GLI2: variants seen among roughly 807,000 people sequenced by gnomAD.
The protein encoded by GLI2 is transcription activator GLI2.
GLI2 carries 22 observed loss-of-function variants against 78.9 expected under a neutral mutation model. That is an observed-to-expected ratio of 0.28 (90% CI 0.20 to 0.40). The LOEUF (loss-of-function observed/expected upper bound fraction) is 0.40. GLI2 is among the 10% of genes least tolerant of loss of function. The pLI, the probability that GLI2 is intolerant of heterozygous loss-of-function variation, is 1.00. For missense variants in GLI2, 2,097 were observed against 2,213.2 expected (o/e 0.95, Z 1.05); for synonymous variants, 974 against 963.7 (o/e 1.01, Z -0.20).
intron 3 of GLI2, among the ~76,000 whole-genome samples, chr2:120,942,747 C>T (rs991165737): frequency 4.6e-5 from 7 of 152,212 alleles, no homozygotes; most frequent in Non-Finnish European, 8.8e-5. Context: ...GGACCCATGT[C>T]TTCTGCAGTA....
intron 2 of GLI2, among the ~76,000 whole-genome samples, chr2:120,922,511 C>A (rs1048036935): frequency 1.3e-5 from 2 of 152,186 alleles, no homozygotes; most frequent in African/African-American, 4.8e-5. Flanking sequence ...CCCAATGGAT[C>A]ATTGCTCTTA....
chr2:120,839,127 C>T (rs1461222818), intron 2 of GLI2, among the ~76,000 whole-genome samples: 1 of 152,188 alleles, frequency 6.6e-6, no homozygotes, highest in Non-Finnish European at 1.5e-5. Context: ...ATAACATGTC[C>T]TAAGGAATGC....
At chr2:120,888,045 C>T (rs1160687161) in intron 2 of GLI2, among the ~76,000 whole-genome samples, 1 of 152,196 alleles carries the variant, frequency 6.6e-6, no homozygotes, top group East Asian at 1.9e-4. Context: ...TCAAGTTTGC[C>T]AAAGTGATTT....
chr2:120,742,874 TTTAC>T (rs1218711134), intron 1 of GLI2, among the ~76,000 whole-genome samples: 13 of 152,198 alleles, frequency 8.5e-5, no homozygotes, highest in Non-Finnish European at 1.6e-4. Context: ...GGTGAAATGA[TTTAC>T]TTAATAATTT....
rs141318725 is a variant in GLI2 at position 120,882,594 on chromosome 2, G to A, written c.149-44767G>A. Among the ~76,000 whole-genome samples, 440 of 152,354 alleles carry A rather than the reference G, an allele frequency of 2.9e-3. 1 individual carries two copies. Among genetic ancestry groups the A allele is most frequent in the Admixed American group, 8.9e-3 (136 of 15,308 alleles). The stretch of plus-strand genomic sequence containing the variant: ...GCAGCAGGCCTGCTGGGCTGTCTTT[G>A]AGCGCGGGTGTCTGGGCCCACCCTC... On this transcript the variant is annotated intron_variant, in intron 2 of 13. Transcript: ENST00000361492.
chr2:120,910,191 A>G (rs1467603501), intron 2 of GLI2, among the ~76,000 whole-genome samples: 1 of 151,520 alleles, frequency 6.6e-6, no homozygotes, highest in African/African-American at 2.4e-5. Context: ...TGTCCATCCC[A>G]CAACTTATAA....
intron 1 of GLI2, among the ~76,000 whole-genome samples, chr2:120,773,519 G>T (rs1358807773): frequency 6.6e-6 from 1 of 152,176 alleles, no homozygotes; most frequent in African/African-American, 2.4e-5. Flanking sequence ...TGCCATGCCG[G>T]CCCCTGATGC....
At chr2:120,773,709 T>A (rs76891299) in intron 1 of GLI2, among the ~76,000 whole-genome samples, 8,739 of 152,206 alleles carry the variant, frequency 0.057, 388 homozygotes, top group Admixed American at 0.12. Context: ...ATGTGCATAG[T>A]CGCAGGTGGC....
intron 3 of GLI2, among the ~76,000 whole-genome samples, chr2:120,933,721 C>T (rs867885072): frequency 6.6e-6 from 1 of 152,140 alleles, no homozygotes; most frequent in Non-Finnish European, 1.5e-5. Flanking sequence ...AGCATGAGTC[C>T]GGCCTGCCCT....
chr2:120,916,547 G>T (rs1356945885), intron 2 of GLI2, among the ~76,000 whole-genome samples: 1 of 152,236 alleles, frequency 6.6e-6, no homozygotes, highest in Non-Finnish European at 1.5e-5. Flanking sequence ...GCTGAATCCC[G>T]CAGGGTCAGG....
At chr2:120,882,393 C>A (rs966314289) in intron 2 of GLI2, among the ~76,000 whole-genome samples, 3 of 152,202 alleles carry the variant, frequency 2.0e-5, no homozygotes, top group African/African-American at 7.2e-5. Flanking sequence ...CTGCCGGCTG[C>A]GGGATGTGAT....
At chr2:120,798,767 G>A (rs959609055) in intron 2 of GLI2, among the ~76,000 whole-genome samples, 4 of 152,134 alleles carry the variant, frequency 2.6e-5, no homozygotes, top group African/African-American at 9.7e-5. Flanking sequence ...GCACAGGGAG[G>A]GAAGAGCTGG....
intron 2 of GLI2, among the ~76,000 whole-genome samples, chr2:120,798,271 G>T (rs367611742): frequency 6.6e-6 from 1 of 152,240 alleles, no homozygotes; most frequent in African/African-American, 2.4e-5. Flanking sequence ...CTTGGGCAGC[G>T]CCCCTCACAC....
intron 1 of GLI2, among the ~76,000 whole-genome samples, chr2:120,748,659 A>C (rs774111308): frequency 1.3e-5 from 2 of 152,124 alleles, no homozygotes; most frequent in Non-Finnish European, 2.9e-5. Context: ...CCGAGGCTGG[A>C]ACATTTGGGA....
At chr2:120,754,765 TTTCTC>T (rs373343648) in intron 1 of GLI2, among the ~76,000 whole-genome samples, 14 of 152,226 alleles carry the variant, frequency 9.2e-5, no homozygotes, top group Admixed American at 3.9e-4. Context: ...GTGCTTTCCT[TTTCTC>T]TTGGGTAAAC....
intron 2 of GLI2, among the ~76,000 whole-genome samples, chr2:120,926,326 C>T (rs1174676633): frequency 6.6e-6 from 1 of 152,038 alleles, no homozygotes; most frequent in Non-Finnish European, 1.5e-5. Flanking sequence ...GTCAGGAGTT[C>T]GAGAGCAACC....
chr2:120,861,481 A>G (rs1266853900), intron 2 of GLI2, among the ~76,000 whole-genome samples: 3 of 152,164 alleles, frequency 2.0e-5, no homozygotes, highest in Non-Finnish European at 2.9e-5. Flanking sequence ...CGCCCACGCT[A>G]TAGTCATCCA....
chr2:120,823,704 G>A lies in GLI2; in HGVS notation c.148+26236G>A, dbSNP rs373320985. 5.3e-5 allele frequency among the ~76,000 whole-genome samples: 8 copies of A among 152,342 alleles called. 1 individual carries two copies. In the South Asian group the frequency reaches 1.0e-3, roughly 20 times the overall value. ...AGATCTCCCGGCTGTGGGCTGTGGA[G>A]AGGAGAGCTGGGCCTCAGGGTGGAG... is the stretch of plus-strand genomic sequence containing the variant. On this transcript the variant is annotated intron_variant, in intron 2 of 13. Coordinates refer to ENST00000361492, the MANE Select transcript of GLI2 (RefSeq NM_001374353.1).
intron 1 of GLI2, among the ~76,000 whole-genome samples, chr2:120,736,662 G>A (rs1682366506): frequency 6.6e-6 from 1 of 152,044 alleles, no homozygotes; most frequent in African/African-American, 2.4e-5. Flanking sequence ...ATCGGAGGCT[G>A]GGATGCTCCG....
Sources: allele counts gnomAD v4.1 joint callset (sites outside exome capture counted in the v4.1 genomes callset), GRCh38; gene constraint gnomAD v4.1.1; transcripts MANE v1.5; gene names NCBI Gene and HGNC (gene_info 2026-07-23, HGNC 2026-07-21).